Variants in CBX6 observed in about 807,000 individuals in gnomAD.
CBX6 encodes chromobox protein homolog 6.
CBX6 carries 7 observed loss-of-function variants against 28.4 expected under a neutral mutation model. The observed-to-expected ratio is 0.25, with a 90% confidence interval of 0.14 to 0.46. CBX6 has a LOEUF of 0.46. CBX6 is among the 20% of genes least tolerant of loss of function. The pLI, the probability that CBX6 is intolerant of heterozygous loss-of-function variation, is 0.99. For missense variants in CBX6, 512 were observed against 606.1 expected, an observed-to-expected ratio of 0.84 and a Z score of 1.63; for synonymous variants, 297 against 273.4, an observed-to-expected ratio of 1.09 and a Z score of -0.85.
At position 38,867,141 on chromosome 22, in the gene CBX6, C is replaced by A; in HGVS notation, c.307G>T (p.Ala103Ser). 1 of 1,562,378 alleles carries A rather than the reference C, an allele frequency of 6.4e-7. No individual in the cohort carries two copies. Among genetic ancestry groups the A allele is most frequent in the Non-Finnish European group, 8.6e-7 (1 of 1,157,046 alleles). The stretch of plus-strand genomic sequence containing the variant: ...TGCAGCTTGGGCGAGGAGGCACTGG[C>A]GCTCGGCTTGACAGAGAAATGCACA... ...SDVHFSVKPS[A>S]SASSPKLHSS... The change falls in exon 5 of 5, where the codon GCC becomes TCC. Residue 103 changes from alanine (A) to serine (S), a missense_variant. Ala to Ser is a moderately conservative substitution (Grantham distance 99, BLOSUM62 1). This residue lies in a region of CBX6 where 123 missense variants were observed against 138.1 expected (regional missense o/e 0.89). Transcript: ENST00000407418.
Position 38,863,755 on chromosome 22 carries a change from C to G in CBX6, c.*2454G>C, listed in dbSNP as rs1387533457. The G allele has an allele frequency of 6.6e-6, 1 of 152,168 alleles. No homozygotes were observed. The highest frequency in any genetic ancestry group is 2.4e-5 in the African/African-American group (1 of 41,410). The allele number at this position is 152,168 out of a possible 1,614,324, so 9.4% of individuals were successfully genotyped here. A position where few individuals can be genotyped will look rare whatever the true frequency, so the allele number is the denominator to read the frequency against. ...TTCTTGCCTCCTGAAGCCTGCATCC[C>G]CTTTCAGGCCAGGGAGGCTCAGAGA... On this transcript the variant is annotated 3_prime_UTR_variant, in exon 5 of 5. Coordinates refer to ENST00000407418, the MANE Select transcript of CBX6 (RefSeq NM_014292.5).
At chr22:38,867,227 G>GCCT in intron 4 of CBX6, 26 bp from the exon 5 acceptor site, 2 of 881,774 alleles carry the variant, frequency 2.3e-6, no homozygotes, top group Non-Finnish European at 1.7e-6. Context: ...GGGGTGGGTG[G>GCCT]GACCTCAGGA....
chr22:38,866,103 A>T lies in CBX6; in HGVS notation c.*106T>A. 1 of 894,616 alleles carries T rather than the reference A, an allele frequency of 1.1e-6. No homozygotes were observed. The highest frequency in any genetic ancestry group is 1.7e-6 in the Non-Finnish European group (1 of 598,448). The allele number at this position is 894,616 out of a possible 1,614,324, so 55.4% of individuals were successfully genotyped here. The stretch of plus-strand genomic sequence containing the variant: ...GGGTCAACACCGAGCCATTTGAGAC[A>T]AGCAAAGCACAGGGAGAGAGGGCTG... On this transcript the variant is annotated 3_prime_UTR_variant, in exon 5 of 5. Transcript: ENST00000407418. The surrounding 1 kb of genome is among the most constrained non-coding windows in gnomAD (Gnocchi z 7.5).
rs2093169052 is a variant in CBX6 at position 38,866,237 on chromosome 22, C to T, written c.1211G>A (p.Gly404Asp). Residue 404 changes from glycine (G) to aspartate (D), a missense_variant, in exon 5 of 5, where the codon GGC becomes GAC. By Grantham distance (94) the Gly-to-Asp change is moderately conservative. This residue lies in a region of CBX6 where 33 missense variants were observed against 35.3 expected (regional missense o/e 0.94). Coordinates refer to ENST00000407418, the MANE Select transcript of CBX6 (RefSeq NM_014292.5). This position sits in a 1 kb window ranked among gnomAD's most constrained non-coding sequence, Gnocchi z 7.5. The part of the protein sequence containing the change: ...VAAGVAGAAG[G>D]GGSIGASK ...CTTGCTCGCCCCAATGCTGCCACCGCCCCCAGCGGCGCCTGCTACCCCAGC... is the reference window on the plus strand; with the variant it reads ...CTTGCTCGCCCCAATGCTGCCACCGTCCCCAGCGGCGCCTGCTACCCCAGC... The T allele has an allele frequency of 1.2e-6, 2 of 1,611,714 alleles. No homozygotes were observed. Among genetic ancestry groups the T allele is most frequent in the African/African-American group, 1.3e-5 (1 of 74,888 alleles).
rs1568997354 is a variant in CBX6, at chr22:38,871,330, G to GA, written c.246+149_246+150insT. The GA allele has an allele frequency of 2.8e-6, 2 of 706,526 alleles. No individual in the cohort carries two copies. Among genetic ancestry groups the GA allele is most frequent in the Admixed American group, 5.0e-5 (2 of 40,234 alleles). The allele number at this position is 706,526 out of a possible 1,614,324, so 43.8% of individuals were successfully genotyped here. ...GCCTGCCATCAGGGGCTTCTGGGGG[G>GA]GCTCACAACCACCCCCTGCCCAGCT... is the stretch of plus-strand genomic sequence containing the variant. On this transcript the variant is annotated intron_variant, in intron 4 of 4. Transcript: ENST00000407418. The surrounding 1 kb of genome is among the most constrained non-coding windows in gnomAD (Gnocchi z 5.6).
In CBX6 at chr22:38,867,067, G is replaced by A. The variant is rs1228165916; in HGVS notation, c.381C>T (p.His127=). The A allele has an allele frequency of 2.5e-6, 4 of 1,605,044 alleles. No individual in the cohort carries two copies. Among genetic ancestry groups the A allele is most frequent in the Non-Finnish European group, 3.4e-6 (4 of 1,177,278 alleles). The part of the protein sequence containing the change: ...HRLKKDIRRC[H]RMSRRPLPRP... ...GGGGCAGGGGACGGCGGGACATACG[G>A]TGGCAGCGGCGGATGTCCTTCTTGA... Residue 127 remains histidine (H), a synonymous_variant, in exon 5 of 5, where the codon CAC becomes CAT. Transcript: ENST00000407418.
rs998334067 is a variant in CBX6 at position 38,862,064 on chromosome 22, C to T, written c.*4145G>A. On this transcript the variant is annotated 3_prime_UTR_variant, in exon 5 of 5. Transcript: ENST00000407418. ...GCAAGGGCAGCCGGAACGCTTCGCT[C>T]CAGCTACCCGGCCTCCCGCAAGAGG... 2 of 152,284 alleles carry T rather than the reference C, an allele frequency of 1.3e-5. No individual in the cohort carries two copies. The highest frequency in any genetic ancestry group is 4.8e-5 in the African/African-American group (2 of 41,466). 9.4% of individuals were successfully genotyped at this position (152,284 alleles called of 1,614,324 possible). A position where few individuals can be genotyped will look rare whatever the true frequency, so the allele number is the denominator to read the frequency against.
rs1227573749 is a variant in CBX6, at chr22:38,866,485, C to G, written c.963G>C (p.Ser321=). The change falls in exon 5 of 5, where the codon TCG becomes TCC. Residue 321 remains serine, a synonymous_variant. Transcript: ENST00000407418. This position sits in a 1 kb window ranked among gnomAD's most constrained non-coding sequence, Gnocchi z 7.5. The stretch of plus-strand genomic sequence containing the variant: ...GCGGTGCCCGCTTGCTGGTGGCTGC[C>G]GACTCGGGAGGGAGGGACAGGTCGA... The part of the protein sequence containing the change: ...EVLDLSLPPE[S]AATSKRAPPE... 3 of 1,596,712 alleles carry G rather than the reference C, an allele frequency of 1.9e-6. No homozygotes were observed. Among genetic ancestry groups the G allele is most frequent in the Non-Finnish European group, 2.6e-6 (3 of 1,176,056 alleles).
At position 38,863,116 on chromosome 22, in the gene CBX6, T is replaced by G. The variant is rs1468405711; in HGVS notation, c.*3093A>C. On this transcript the variant is annotated 3_prime_UTR_variant, in exon 5 of 5. Transcript: ENST00000407418. Reference sequence around the variant, plus strand: ...GCAACCTTGACCCCCCACCTGGTACTGGGCAGCTGCTCTGACACCAGCAGC... The same window carrying G: ...GCAACCTTGACCCCCCACCTGGTACGGGGCAGCTGCTCTGACACCAGCAGC... The G allele has an allele frequency of 6.6e-6, 1 of 152,232 alleles. No homozygotes were observed. Among genetic ancestry groups the G allele is most frequent in the Non-Finnish European group, 1.5e-5 (1 of 68,074 alleles). 9.4% of individuals were successfully genotyped at this position (152,232 alleles called of 1,614,324 possible). A position where few individuals can be genotyped will look rare whatever the true frequency, so the allele number is the denominator to read the frequency against.
intron 4 of CBX6, among the ~76,000 whole-genome samples, chr22:38,867,746 C>G (rs1456452858): frequency 2.0e-5 from 3 of 152,240 alleles, no homozygotes; most frequent in Admixed American, 2.0e-4. Context: ...TTTGAGCAGG[C>G]TGACCTCCGG....
At position 38,866,218 on chromosome 22, in the gene CBX6, C is replaced by A. The variant is rs983795582; in HGVS notation, c.1230G>T (p.Ala410=). The A allele has an allele frequency of 1.9e-6, 3 of 1,605,480 alleles. No homozygotes were observed. Among genetic ancestry groups the A allele is most frequent in the Non-Finnish European group, 2.6e-6 (3 of 1,175,938 alleles). The change falls in exon 5 of 5, where the codon GCG becomes GCT. Residue 410 remains alanine, a synonymous_variant. Coordinates refer to ENST00000407418, the MANE Select transcript of CBX6 (RefSeq NM_014292.5). The surrounding 1 kb of genome is among the most constrained non-coding windows in gnomAD (Gnocchi z 7.5). ...CCTTGGTGGAGCCCCCTCACTTGCT[C>A]GCCCCAATGCTGCCACCGCCCCCAG... ...GAAGGGGSIG[A]SK is the part of the protein sequence containing the mutation.
rs148273871 is a variant in CBX6 at position 38,865,683 on chromosome 22, C to T, written c.*526G>A. On this transcript the variant is annotated 3_prime_UTR_variant, in exon 5 of 5. Coordinates refer to ENST00000407418, the MANE Select transcript of CBX6 (RefSeq NM_014292.5). ...CAGGGAAGACCCCGCCCTGGCCCAACTTCTGATGCCCTGGCTGATGTGGAG... is the reference window on the plus strand; with the variant it reads ...CAGGGAAGACCCCGCCCTGGCCCAATTTCTGATGCCCTGGCTGATGTGGAG... 99 of 158,148 alleles carry T rather than the reference C, an allele frequency of 6.3e-4. 1 individual carries two copies. Among genetic ancestry groups the T allele is most frequent in the East Asian group, 6.1e-3 (32 of 5,256 alleles). The allele number at this position is 158,148 out of a possible 1,614,324, so 9.8% of individuals were successfully genotyped here. A position where few individuals can be genotyped will look rare whatever the true frequency, so the allele number is the denominator to read the frequency against.
At chr22:38,868,928 A>G (rs1057334909) in intron 4 of CBX6, among the ~76,000 whole-genome samples, 4 of 152,148 alleles carry the variant, frequency 2.6e-5, no homozygotes, top group African/African-American at 9.7e-5. Context: ...TTCATTTAGA[A>G]CGTGGCGTTC....
At position 38,871,403 on chromosome 22, in the gene CBX6, C is replaced by T. The variant is rs771925844; in HGVS notation, c.246+77G>A. On this transcript the variant is annotated intron_variant, in intron 4 of 4. Transcript: ENST00000407418. The surrounding 1 kb of genome is among the most constrained non-coding windows in gnomAD (Gnocchi z 5.6). ...CCCGCTTGGGCGGCCGCGTATCTGTCCCTCCCTTCCAGGCCCCGTGCTGTG... is the reference window on the plus strand; with the variant it reads ...CCCGCTTGGGCGGCCGCGTATCTGTTCCTCCCTTCCAGGCCCCGTGCTGTG... 6 of 1,436,518 alleles carry T rather than the reference C, an allele frequency of 4.2e-6. No homozygotes were observed. Among genetic ancestry groups the T allele is most frequent in the Non-Finnish European group, 5.7e-6 (6 of 1,050,688 alleles). 89.0% of individuals were successfully genotyped at this position (1,436,518 alleles called of 1,614,324 possible). A position where few individuals can be genotyped will look rare whatever the true frequency, so the allele number is the denominator to read the frequency against.
rs1223746181 is a variant in CBX6 at position 38,861,899 on chromosome 22, A to C, written c.*4310T>G. On this transcript the variant is annotated 3_prime_UTR_variant, in exon 5 of 5. Transcript: ENST00000407418. ...AGAGCTATATATGTATATTTTATAT[A>C]TATAGAATTCATTCGTGCACAATTC... 6.6e-6 allele frequency: 1 copy of C among 152,256 alleles called. No homozygotes were observed. The highest frequency in any genetic ancestry group is 2.4e-5 in the African/African-American group (1 of 41,472). The allele number at this position is 152,256 out of a possible 1,614,324, so 9.4% of individuals were successfully genotyped here.
rs1377601282 is a variant in CBX6, at chr22:38,862,247, AC to A, written c.*3961del. 6.6e-6 allele frequency: 1 copy of A among 152,194 alleles called. No individual in the cohort carries two copies. The highest frequency in any genetic ancestry group is 2.4e-5 in the African/African-American group (1 of 41,446). The allele number at this position is 152,194 out of a possible 1,614,324, so 9.4% of individuals were successfully genotyped here. On this transcript the variant is annotated 3_prime_UTR_variant, in exon 5 of 5. Transcript: ENST00000407418. The stretch of plus-strand genomic sequence containing the variant: ...GAGGGGGCATCTTTGGCCCCCACTA[AC>A]CATCTCCCTATTTCTGCATCCTGGT...
At position 38,870,499 on chromosome 22, in the gene CBX6, G is replaced by A. The variant is rs140751869; in HGVS notation, c.246+981C>T. 9 of 152,388 alleles carry A rather than the reference G, an allele frequency of 5.9e-5. No individual in the cohort carries two copies. The highest frequency in any genetic ancestry group is 4.6e-4 in the Admixed American group (7 of 15,308). 9.4% of individuals were successfully genotyped at this position (152,388 alleles called of 1,614,324 possible). ...TCCCCAAGAGAAGCATCAGGGTTAA[G>A]GTTACTCCCTGGATCCCCTAGGATG... On this transcript the variant is annotated intron_variant, in intron 4 of 4. Coordinates refer to ENST00000407418, the MANE Select transcript of CBX6 (RefSeq NM_014292.5). This position sits in a 1 kb window ranked among gnomAD's most constrained non-coding sequence, Gnocchi z 4.3.
At chr22:38,867,298 C>G in intron 4 of CBX6, 97 bp from the exon 5 acceptor site, 4 of 1,055,246 alleles carry the variant, frequency 3.8e-6, no homozygotes, top group Non-Finnish European at 5.3e-6. Context: ...AGCCTCTCAG[C>G]CAGCGATCCC....
In CBX6 at chr22:38,866,551, G is replaced by A. The variant is rs1185563096; in HGVS notation, c.897C>T (p.Thr299=). ...GCCAGCTGGGGGCGGATGGGCTCAC[G>A]GTCTCGGGGAGGAGCTTGGGGGGCG... The part of the protein sequence containing the change: ...DDTPPKLLPE[T]VSPSAPSWRE... The change falls in exon 5 of 5, where the codon ACC becomes ACT. Residue 299 remains threonine (T), a synonymous_variant. Transcript: ENST00000407418. The surrounding 1 kb of genome is among the most constrained non-coding windows in gnomAD (Gnocchi z 7.5). 3.2e-6 allele frequency: 5 copies of A among 1,578,528 alleles called. No individual in the cohort carries two copies. Among genetic ancestry groups the A allele is most frequent in the Non-Finnish European group, 4.3e-6 (5 of 1,169,548 alleles).
Sources: allele counts gnomAD v4.1 joint callset (sites outside exome capture counted in the v4.1 genomes callset), GRCh38; gene constraint gnomAD v4.1.1; regional missense constraint gnomAD v4.1.1; non-coding constraint Gnocchi (gnomAD v3.1); transcripts MANE v1.5; gene names NCBI Gene and HGNC (gene_info 2026-07-23, HGNC 2026-07-21).